The following SLIT3 variants were observed in gnomAD, a reference collection of about 807,000 sequenced individuals.
The protein encoded by SLIT3 is slit guidance ligand 3.
Under a neutral mutation model 184.0 loss-of-function variants are expected in SLIT3, and 68 were observed. The ratio of observed to expected loss-of-function variants is 0.37; its 90% confidence interval spans 0.30 to 0.45. The LOEUF (loss-of-function observed/expected upper bound fraction) is 0.45. SLIT3 is among the 20% of genes least tolerant of loss of function. SLIT3 has a pLI of 1.00. For synonymous variants in SLIT3, 831 were observed against 828.6 expected, an observed-to-expected ratio of 1.00 and a Z score of -0.05; for missense variants, 1,707 against 2,026.0, an observed-to-expected ratio of 0.84 and a Z score of 3.02.
At chr5:169,187,207 G>A (rs1173551850) in intron 4 of SLIT3, among the ~76,000 whole-genome samples, 3 of 138,860 alleles carry the variant, frequency 2.2e-5, no homozygotes, top group Non-Finnish European at 4.5e-5. Context: ...TCTGCCTCCT[G>A]GGTTCAAGCG....
intron 14 of SLIT3, among the ~76,000 whole-genome samples, chr5:168,766,067 T>C (rs976676449): frequency 6.6e-6 from 1 of 152,164 alleles, no homozygotes; most frequent in African/African-American, 2.4e-5. Flanking sequence ...GCTCCCATGT[T>C]TGAATGGACT....
At chr5:168,704,312 C>A (rs1762312888) in intron 26 of SLIT3, among the ~76,000 whole-genome samples, 1 of 151,420 alleles carries the variant, frequency 6.6e-6, no homozygotes, top group African/African-American at 2.5e-5. Flanking sequence ...AAAATACTGA[C>A]CCTTTGTGAA....
intron 4 of SLIT3, among the ~76,000 whole-genome samples, chr5:169,041,824 T>C (rs1757457440): frequency 1.3e-5 from 2 of 152,182 alleles, no homozygotes; most frequent in African/African-American, 4.8e-5. Flanking sequence ...GTCAGTACTT[T>C]CCACTTCTGT....
At chr5:168,884,547 G>GATATATATATATATAT (rs1491371300) in intron 4 of SLIT3, among the ~76,000 whole-genome samples, 7 of 9,318 alleles carry the variant, frequency 7.5e-4, no homozygotes, top group African/African-American at 3.0e-3. Context: ...TACCAATTAC[G>GATATATATATATATAT]AGATATATAT....
chr5:168,696,019 A>T (rs1201397581), intron 28 of SLIT3, among the ~76,000 whole-genome samples: 1 of 152,192 alleles, frequency 6.6e-6, no homozygotes, highest in Non-Finnish European at 1.5e-5. Flanking sequence ...AGGGGCCCTA[A>T]AGGATGTAAT....
chr5:168,793,271 C>T (rs28465458), intron 10 of SLIT3, among the ~76,000 whole-genome samples: 18,563 of 151,402 alleles, frequency 0.12, 3,865 homozygotes, highest in African/African-American at 0.43. Context: ...TGGTAAGAGA[C>T]AAGAGCAGGA....
intron 3 of SLIT3, among the ~76,000 whole-genome samples, chr5:169,227,825 C>G (rs1764865152): frequency 1.3e-5 from 2 of 152,196 alleles, no homozygotes; most frequent in Admixed American, 1.3e-4. Flanking sequence ...AGGCACTTGC[C>G]TAAATCTGCA....
In SLIT3 at chr5:168,735,575, T is replaced by A. The variant is rs1293196155; in HGVS notation, c.2271-11091A>T. 3.9e-5 allele frequency among the ~76,000 whole-genome samples: 6 copies of A among 152,198 alleles called. No individual in the cohort carries two copies. In the East Asian group the frequency reaches 1.2e-3, roughly 29 times the overall value. ...TGATTCTGAGGATTAAATTTGAGTC[T>A]CTGTGAACAGTTCTCAGAGCAGTAC... On this transcript the variant is annotated intron_variant, in intron 20 of 35. Coordinates refer to ENST00000519560, the MANE Select transcript of SLIT3 (RefSeq NM_003062.4).
At chr5:169,254,098 G>A (rs1047298686) in intron 1 of SLIT3, among the ~76,000 whole-genome samples, 1 of 151,700 alleles carries the variant, frequency 6.6e-6, no homozygotes, top group Non-Finnish European at 1.5e-5. Context: ...ACTCCACACA[G>A]CTGGGTCTGG....
intron 4 of SLIT3, among the ~76,000 whole-genome samples, chr5:168,916,506 CG>C (rs1196488966): frequency 6.6e-6 from 1 of 152,208 alleles, no homozygotes; most frequent in African/African-American, 2.4e-5. Flanking sequence ...GGACTCAGCC[CG>C]GATGCATCCA....
At chr5:168,776,307 C>T (rs770101807) in intron 12 of SLIT3, among the ~76,000 whole-genome samples, 25 of 152,330 alleles carry the variant, frequency 1.6e-4, no homozygotes, top group African/African-American at 4.1e-4. Flanking sequence ...GGAAGAAGAA[C>T]GGCCTGTTTA....
chr5:168,828,841 T>C (rs781562648), intron 6 of SLIT3, among the ~76,000 whole-genome samples: 8 of 152,096 alleles, frequency 5.3e-5, no homozygotes, highest in African/African-American at 9.7e-5. Context: ...TGGAAAACCA[T>C]TGAACTACGG....
rs1767645586 is a variant in SLIT3 at position 169,300,427 on chromosome 5, G to GAGGGGA, written c.197+80_197+85dup. ...AATAGAGACTGCATCCAGGGAGGCC[G>GAGGGGA]AGGGGAAAGGACGGATCTGGCGCCT... On this transcript the variant is annotated intron_variant, in intron 1 of 35. Coordinates refer to ENST00000519560, the MANE Select transcript of SLIT3 (RefSeq NM_003062.4). This position sits in a 1 kb window ranked among gnomAD's most constrained non-coding sequence, Gnocchi z 4.1. The GAGGGGA allele has an allele frequency of 3.7e-6, 5 of 1,362,324 alleles. No individual in the cohort carries two copies. The East Asian group carries it at 9.3e-5, about 25-fold the overall frequency. The allele number at this position is 1,362,324 out of a possible 1,614,324, so 84.4% of individuals were successfully genotyped here. A position where few individuals can be genotyped will look rare whatever the true frequency, so the allele number is the denominator to read the frequency against.
chr5:169,239,644 A>G (rs1765325568), intron 3 of SLIT3, among the ~76,000 whole-genome samples: 1 of 151,744 alleles, frequency 6.6e-6, no homozygotes, highest in African/African-American at 2.4e-5. Context: ...TTTATTCTTC[A>G]TGTTGGTAAT....
At chr5:168,903,127 AT>A (rs1238431923) in intron 4 of SLIT3, among the ~76,000 whole-genome samples, 2 of 152,260 alleles carry the variant, frequency 1.3e-5, no homozygotes, top group African/African-American at 4.8e-5. Context: ...CAATTAAAAA[AT>A]AACTGATATT....
intron 4 of SLIT3, among the ~76,000 whole-genome samples, chr5:168,956,346 A>T (rs1036111918): frequency 6.6e-5 from 10 of 152,228 alleles, no homozygotes; most frequent in African/African-American, 1.4e-4. Context: ...TCCGTATGTG[A>T]GAAAAGGACA....
chr5:169,232,596 A>G (rs1006485191), intron 3 of SLIT3, among the ~76,000 whole-genome samples: 1 of 152,172 alleles, frequency 6.6e-6, no homozygotes, highest in Non-Finnish European at 1.5e-5. Flanking sequence ...TATGAATGGC[A>G]TTAGTAGGGA....
chr5:168,876,676 G>C (rs561627167), intron 5 of SLIT3, among the ~76,000 whole-genome samples: 115 of 152,222 alleles, frequency 7.6e-4, no homozygotes, highest in Middle Eastern at 3.4e-3. Flanking sequence ...CTGTCTCCCT[G>C]GGCTTCCACA....
intron 25 of SLIT3, among the ~76,000 whole-genome samples, chr5:168,709,439 C>T (rs1469665292): frequency 6.6e-6 from 1 of 152,100 alleles, no homozygotes; most frequent in African/African-American, 2.4e-5. Context: ...CAGGTTGTAC[C>T]CCAGACCAAT....
Sources: allele counts gnomAD v4.1 joint callset (sites outside exome capture counted in the v4.1 genomes callset), GRCh38; gene constraint gnomAD v4.1.1; non-coding constraint Gnocchi (gnomAD v3.1); transcripts MANE v1.5; gene names NCBI Gene and HGNC (gene_info 2026-07-23, HGNC 2026-07-21).